Variants in UBE2E2 observed in about 807,000 individuals in gnomAD.
UBE2E2 encodes ubiquitin-conjugating enzyme E2 E2.
Under a neutral mutation model 24.7 loss-of-function variants are expected in UBE2E2, and 6 were observed. The observed-to-expected ratio is 0.24, with a 90% CI of 0.13 to 0.48. The LOEUF is 0.48. Among genes scored for constraint, UBE2E2 ranks in the 20% least tolerant of loss-of-function variants. The pLI is 0.99. For synonymous variants in UBE2E2, 104 were observed against 83.6 expected, an observed-to-expected ratio of 1.24 and a Z score of -1.33; for missense variants, 169 against 245.0, an observed-to-expected ratio of 0.69 and a Z score of 2.07.
chr3:23,472,251 G>T (rs1575652415), intron 3 of UBE2E2, among the ~76,000 whole-genome samples: 1 of 152,140 alleles, frequency 6.6e-6, no homozygotes, highest in Non-Finnish European at 1.5e-5. Flanking sequence ...TTCAGTTACA[G>T]CTCCCCCAGA....
chr3:23,256,601 G>C (rs1697728592), intron 3 of UBE2E2, among the ~76,000 whole-genome samples: 1 of 152,064 alleles, frequency 6.6e-6, no homozygotes, highest in African/African-American at 2.4e-5. Flanking sequence ...TAATTTCTTT[G>C]AAAGCAATTA....
intron 5 of UBE2E2, among the ~76,000 whole-genome samples, chr3:23,586,217 G>T (rs1696622103): frequency 6.6e-6 from 1 of 152,174 alleles, no homozygotes; most frequent in Non-Finnish European, 1.5e-5. Context: ...AAATCATAGG[G>T]ACATGTAAAT....
chr3:23,532,640 G>C lies in UBE2E2; in HGVS notation c.447G>C (p.Pro149=), dbSNP rs79907957. The change falls in exon 5 of 6, where the codon CCG becomes CCC. Residue 149 remains proline (P), a synonymous_variant. Transcript: ENST00000396703. ...CLDILKDNWS[P]ALTISKVLLS... Reference sequence around the variant, plus strand: ...ACATCTTAAAGGACAACTGGAGTCCGGCTTTAACTATTTCTAAAGTTCTCC... The same window carrying C: ...ACATCTTAAAGGACAACTGGAGTCCCGCTTTAACTATTTCTAAAGTTCTCC... 4 of 1,574,570 alleles carry C rather than the reference G, an allele frequency of 2.5e-6. No individual in the cohort carries two copies. The highest frequency in any genetic ancestry group is 3.5e-6 in the Non-Finnish European group (4 of 1,152,686).
Position 23,259,348 on chromosome 3 carries a change from AAG to A in UBE2E2, c.227+42039_227+42040del, listed in dbSNP as rs1165509734. Among the ~76,000 whole-genome samples the A allele has an allele frequency of 2.0e-5, 3 of 152,280 alleles. 1 individual carries two copies. The highest frequency in any genetic ancestry group is 7.2e-5 in the African/African-American group (3 of 41,548). ...AGTTATCTTTTGGGCATGGTTTGGC[AAG>A]AGGTTAGGTTTTTTTCCCTTTTCTG... is the stretch of plus-strand genomic sequence containing the variant. On this transcript the variant is annotated intron_variant, in intron 3 of 5. Coordinates refer to ENST00000396703, the MANE Select transcript of UBE2E2 (RefSeq NM_152653.4).
chr3:23,377,469 G>A (rs954951505), intron 3 of UBE2E2, among the ~76,000 whole-genome samples: 4 of 152,174 alleles, frequency 2.6e-5, no homozygotes, highest in African/African-American at 7.2e-5. Flanking sequence ...TGCAGGATTT[G>A]CAAAAGCCTT....
intron 3 of UBE2E2, among the ~76,000 whole-genome samples, chr3:23,487,546 A>G (rs979227323): frequency 6.6e-6 from 1 of 152,220 alleles, no homozygotes; most frequent in African/African-American, 2.4e-5. Context: ...CATCAATAGT[A>G]TAAACTTACA....
At chr3:23,385,040 C>G (rs753192348) in intron 3 of UBE2E2, among the ~76,000 whole-genome samples, 2 of 152,090 alleles carry the variant, frequency 1.3e-5, no homozygotes, top group South Asian at 2.1e-4. Context: ...AAGTGATTCT[C>G]CTGCCTCAGC....
intron 3 of UBE2E2, among the ~76,000 whole-genome samples, chr3:23,314,431 TA>T (rs869309581): frequency 8.0e-6 from 1 of 124,392 alleles, no homozygotes; most frequent in Non-Finnish European, 1.7e-5. Flanking sequence ...TGGCCCGCCA[TA>T]GTTATTATTT....
chr3:23,291,180 A>T (rs1436351074), intron 3 of UBE2E2, among the ~76,000 whole-genome samples: 1 of 152,102 alleles, frequency 6.6e-6, no homozygotes, highest in Non-Finnish European at 1.5e-5. Flanking sequence ...TGGCCAGATA[A>T]GGGACTTCTA....
intron 3 of UBE2E2, among the ~76,000 whole-genome samples, chr3:23,411,999 A>G (rs111365399): frequency 9.2e-4 from 140 of 152,302 alleles, no homozygotes; most frequent in African/African-American, 3.2e-3. Context: ...AGTTAATTGC[A>G]TACTGACTGG....
intron 5 of UBE2E2, among the ~76,000 whole-genome samples, chr3:23,551,488 C>A (rs987091409): frequency 6.6e-6 from 1 of 152,182 alleles, no homozygotes; most frequent in Non-Finnish European, 1.5e-5. Context: ...TTCAAACTTG[C>A]TAGTAACTTG....
chr3:23,515,725 G>A (rs1420401025), intron 4 of UBE2E2, among the ~76,000 whole-genome samples: 3 of 152,026 alleles, frequency 2.0e-5, no homozygotes, highest in Non-Finnish European at 4.4e-5. Flanking sequence ...GAGAGGCTGA[G>A]GTGGGAGGAT....
rs1204383631 is a variant in UBE2E2, at chr3:23,299,929, G to T, written c.227+82617G>T. Among the ~76,000 whole-genome samples, 17 of 152,238 alleles carry T rather than the reference G, an allele frequency of 1.1e-4. No individual in the cohort carries two copies. The South Asian group carries it at 3.3e-3, about 30-fold the overall frequency. On this transcript the variant is annotated intron_variant, in intron 3 of 5. Coordinates refer to ENST00000396703, the MANE Select transcript of UBE2E2 (RefSeq NM_152653.4). ...AGTGTGTGGGAGTCTAAGTCTCTTT[G>T]TAGGTCACTCAGGACTTGCTTTATG... is the stretch of plus-strand genomic sequence containing the variant.
At chr3:23,455,089 T>G (rs1341451453) in intron 3 of UBE2E2, among the ~76,000 whole-genome samples, 2 of 152,232 alleles carry the variant, frequency 1.3e-5, no homozygotes, top group African/African-American at 4.8e-5. Flanking sequence ...CTTCTCTTTC[T>G]GAGAGACCTG....
At chr3:23,507,050 A>G (rs934509611) in intron 4 of UBE2E2, among the ~76,000 whole-genome samples, 4 of 152,308 alleles carry the variant, frequency 2.6e-5, no homozygotes, top group Admixed American at 6.5e-5. Flanking sequence ...CGTCCACAGA[A>G]CAGTTTTCAA....
At chr3:23,270,480 G>A (rs916593402) in intron 3 of UBE2E2, among the ~76,000 whole-genome samples, 7 of 152,200 alleles carry the variant, frequency 4.6e-5, no homozygotes, top group South Asian at 4.1e-4. Context: ...GGAAACACTC[G>A]TTCTGGCTCA....
intron 5 of UBE2E2, among the ~76,000 whole-genome samples, chr3:23,564,101 G>A (rs1255984569): frequency 1.3e-5 from 2 of 151,702 alleles, no homozygotes; most frequent in Non-Finnish European, 2.9e-5. Context: ...ATTTAAGCAG[G>A]GAAAACATTA....
chr3:23,269,371 G>C (rs1041209303), intron 3 of UBE2E2, among the ~76,000 whole-genome samples: 2 of 152,104 alleles, frequency 1.3e-5, no homozygotes, highest in Non-Finnish European at 2.9e-5. Flanking sequence ...AAACAAACCC[G>C]CTTGGAGTTG....
intron 5 of UBE2E2, chr3:23,534,338 T>C: frequency 1.3e-6 from 1 of 746,172 alleles, no homozygotes; most frequent in African/African-American, 1.9e-5. Context: ...AGTTTTTTTT[T>C]TTTGCTCCGT....
Sources: gnomAD v4.1 joint callset for allele counts (sites outside exome capture counted in the v4.1 genomes callset) on GRCh38, gnomAD v4.1.1 for gene constraint, MANE v1.5 for transcripts, NCBI Gene and HGNC (gene_info 2026-07-23, HGNC 2026-07-21) for gene names.